CPS1: variants seen among roughly 807,000 people sequenced by gnomAD.
CPS1 encodes carbamoyl-phosphate synthase [ammonia], mitochondrial.
In CPS1, 109 loss-of-function variants were observed where a neutral mutation model predicts 174.6. The ratio of observed to expected loss-of-function variants is 0.62; its 90% CI spans 0.53 to 0.73. The LOEUF is 0.73. CPS1 is among the 30% of genes least tolerant of loss of function. The pLI is 0.00. For missense variants in CPS1, 1,689 were observed against 1,821.9 expected, an observed-to-expected ratio of 0.93 and a Z score of 1.33; for synonymous variants, 637 against 632.0, an observed-to-expected ratio of 1.01 and a Z score of -0.12.
chr2:210,588,196 T>C (rs1559090982), intron 7 of CPS1, 49 bp downstream of exon 7: 1 of 1,503,594 alleles, frequency 6.7e-7, no homozygotes, highest in African/African-American at 1.4e-5. Flanking sequence ...TATTGACCAT[T>C]AGTGTTCAGC....
intron 1 of CPS1, 33 bp from the exon 2 acceptor site, chr2:210,573,265 A>G (rs531227973): frequency 1.4e-5 from 22 of 1,549,262 alleles, no homozygotes; most frequent in East Asian, 2.2e-5. Flanking sequence ...TGTATTATGT[A>G]TTCTGCTAAG....
intron 1 of CPS1, among the ~76,000 whole-genome samples, chr2:210,564,564 G>C (rs1359416826): frequency 2.0e-5 from 3 of 152,022 alleles, no homozygotes; most frequent in Non-Finnish European, 4.4e-5. Context: ...TTTTAGTAGA[G>C]ACGGGGTTTC....
chr2:210,591,478 G>T (rs543592038), intron 9 of CPS1, among the ~76,000 whole-genome samples: 1 of 151,708 alleles, frequency 6.6e-6, no homozygotes, highest in South Asian at 2.1e-4. Context: ...TATAACTCTC[G>T]GGCTTTAAAA....
At chr2:210,498,080 T>G (rs546023555) in intron 1 of CPS1, among the ~76,000 whole-genome samples, 1 of 151,774 alleles carries the variant, frequency 6.6e-6, no homozygotes, top group South Asian at 2.1e-4. Flanking sequence ...CAGCATCGGT[T>G]GTTTTTTGAC....
intron 25 of CPS1, among the ~76,000 whole-genome samples, chr2:210,643,688 A>T (rs974413508): frequency 1.1e-4 from 16 of 152,160 alleles, no homozygotes; most frequent in Admixed American, 9.8e-4. Context: ...ATTACAAAAG[A>T]AAGTAGACAA....
chr2:210,569,279 G>C (rs1452274124), intron 1 of CPS1, among the ~76,000 whole-genome samples: 2 of 151,982 alleles, frequency 1.3e-5, no homozygotes, highest in African/African-American at 4.8e-5. Context: ...AGAGGGCTGG[G>C]GAACATACTG....
At chr2:210,669,702 G>C (rs1701231053) in intron 34 of CPS1, among the ~76,000 whole-genome samples, 1 of 152,128 alleles carries the variant, frequency 6.6e-6, no homozygotes, top group Non-Finnish European at 1.5e-5. Context: ...GCAGTTTAGA[G>C]ACAAATCACA....
chr2:210,501,789 C>G (rs767642837), intron 1 of CPS1, among the ~76,000 whole-genome samples: 1 of 152,182 alleles, frequency 6.6e-6, no homozygotes, highest in Non-Finnish European at 1.5e-5. Context: ...GCCCTCCAAA[C>G]TGTTCCAACC....
At position 210,640,146 on chromosome 2, in the gene CPS1, A is replaced by G. The variant is rs560728078; in HGVS notation, c.2959+87A>G. 10 of 919,456 alleles carry G rather than the reference A, an allele frequency of 1.1e-5. No individual in the cohort carries two copies. The African/African-American group carries it at 1.5e-4, about 14-fold the overall frequency. The allele number at this position is 919,456 out of a possible 1,614,324, so 57.0% of individuals were successfully genotyped here. A position where few individuals can be genotyped will look rare whatever the true frequency, so the allele number is the denominator to read the frequency against. On this transcript the variant is annotated intron_variant, in intron 24 of 37. Transcript: ENST00000233072. Reference sequence around the variant, plus strand: ...TGTTAATTCCATTATTCCAAGAACTATATCAAATAAATGCTGTAATATATG... The same window carrying G: ...TGTTAATTCCATTATTCCAAGAACTGTATCAAATAAATGCTGTAATATATG...
chr2:210,620,321 G>A (rs1198880232), intron 21 of CPS1, among the ~76,000 whole-genome samples: 1 of 152,084 alleles, frequency 6.6e-6, no homozygotes, highest in Non-Finnish European at 1.5e-5. Context: ...AGTTTTCCAT[G>A]CCTGTGAGAT....
chr2:210,649,442 T>C (rs182151700), intron 27 of CPS1, among the ~76,000 whole-genome samples: 1 of 152,344 alleles, frequency 6.6e-6, no homozygotes, highest in East Asian at 1.9e-4. Context: ...TGCTCTAGCC[T>C]TCCTCTCTTA....
chr2:210,498,536 C>G (rs1695062653), intron 1 of CPS1, among the ~76,000 whole-genome samples: 1 of 152,246 alleles, frequency 6.6e-6, no homozygotes, highest in African/African-American at 2.4e-5. Context: ...AGTTATTTAT[C>G]AGTTCCAGGA....
At chr2:210,674,588 G>T in intron 34 of CPS1, 1 of 358,506 alleles carries the variant, frequency 2.8e-6, no homozygotes, top group South Asian at 3.5e-5. Context: ...CCCTGACCAG[G>T]AAAAGGATCC....
chr2:210,536,258 CT>C (rs1294346697), intron 1 of CPS1, among the ~76,000 whole-genome samples: 2 of 151,390 alleles, frequency 1.3e-5, no homozygotes, highest in African/African-American at 4.9e-5. Flanking sequence ...TACTAATAAC[CT>C]CAATTTTTTT....
chr2:210,507,933 A>G (rs1341053923), intron 1 of CPS1, among the ~76,000 whole-genome samples: 1 of 151,820 alleles, frequency 6.6e-6, no homozygotes, highest in Non-Finnish European at 1.5e-5. Context: ...ATAATGGGAG[A>G]CTTTAACACC....
intron 6 of CPS1, 148 bp from the exon 7 acceptor site, chr2:210,587,910 C>A: frequency 1.3e-6 from 1 of 783,466 alleles, no homozygotes; most frequent in East Asian, 2.5e-5. Flanking sequence ...TTCTTACAAA[C>A]TGTTTGTTAA....
At position 210,631,602 on chromosome 2, in the gene CPS1, T is replaced by C. The variant is rs1229680328; in HGVS notation, c.2688-6100T>C. Among the ~76,000 whole-genome samples, 6 of 152,340 alleles carry C rather than the reference T, an allele frequency of 3.9e-5. No individual in the cohort carries two copies. In the South Asian group the frequency reaches 1.2e-3, roughly 32 times the overall value. ...TCACCTTCTAAAATTTCAGTCATTT[T>C]GTGCTGCTAAGTAGAAAGAAACTGA... is the stretch of plus-strand genomic sequence containing the variant. On this transcript the variant is annotated intron_variant, in intron 21 of 37. Coordinates refer to ENST00000233072, the MANE Select transcript of CPS1 (RefSeq NM_001875.5).
intron 34 of CPS1, 107 bp from the exon 35 acceptor site, chr2:210,674,795 C>T: frequency 1.1e-6 from 1 of 937,134 alleles, no homozygotes; most frequent in East Asian, 2.4e-5. Flanking sequence ...TATAAAGCAT[C>T]CGGCAACATG....
chr2:210,623,472 C>T (rs528716497), intron 21 of CPS1, among the ~76,000 whole-genome samples: 6 of 151,900 alleles, frequency 3.9e-5, no homozygotes, highest in Admixed American at 3.3e-4. Flanking sequence ...ATTCTCTTTC[C>T]TCTTTACTGC....
Sources: allele counts gnomAD v4.1 joint callset (sites outside exome capture counted in the v4.1 genomes callset), GRCh38; gene constraint gnomAD v4.1.1; transcripts MANE v1.5; gene names NCBI Gene and HGNC (gene_info 2026-07-23, HGNC 2026-07-21).